DDC: variants seen among roughly 807,000 people sequenced by gnomAD.
The protein encoded by DDC is aromatic-L-amino-acid decarboxylase.
DDC carries 43 observed loss-of-function variants against 60.0 expected under a neutral mutation model. The observed-to-expected ratio is 0.72, with a 90% CI of 0.56 to 0.92. The LOEUF (loss-of-function observed/expected upper bound fraction) is 0.92, where lower values mean the gene tolerates loss of function less well. Among genes scored for constraint, DDC ranks in the 40% least tolerant of loss-of-function variants. The probability of loss-of-function intolerance (pLI) is 0.00; values close to 1 mark genes in which losing one functional copy is unlikely to be tolerated. For missense variants in DDC, 573 were observed against 620.2 expected (o/e 0.92, Z 0.81); for synonymous variants, 232 against 234.6 (o/e 0.99, Z 0.10).
At chr7:50,510,025 A>C (rs960377658) in intron 6 of DDC, among the ~76,000 whole-genome samples, 1 of 151,606 alleles carries the variant, frequency 6.6e-6, no homozygotes, top group African/African-American at 2.4e-5. Context: ...GGCTGGAGTG[A>C]AGTGGTGCCA....
intron 1 of DDC, among the ~76,000 whole-genome samples, chr7:50,561,282 G>A (rs2045340540): frequency 6.6e-6 from 1 of 152,078 alleles, no homozygotes; most frequent in South Asian, 2.1e-4. Context: ...GAGAGGCCAA[G>A]GAAAAAATGG....
At chr7:50,489,291 G>A (rs2042949741) in intron 9 of DDC, among the ~76,000 whole-genome samples, 1 of 152,180 alleles carries the variant, frequency 6.6e-6, no homozygotes, top group Admixed American at 6.5e-5. Flanking sequence ...ACAGGCATGA[G>A]CCACCACACG....
intron 1 of DDC, among the ~76,000 whole-genome samples, chr7:50,557,935 C>T (rs7803440): frequency 0.23 from 35,488 of 152,010 alleles, 4,304 homozygotes; most frequent in East Asian, 0.41. Flanking sequence ...TAACTTTAAA[C>T]CTTAAAACAT....
At chr7:50,501,879 GC>G (rs1277161236) in intron 7 of DDC, among the ~76,000 whole-genome samples, 1 of 152,126 alleles carries the variant, frequency 6.6e-6, no homozygotes, top group African/African-American at 2.4e-5. Context: ...TCTGAGACCA[GC>G]CTGGCCAATA....
chr7:50,485,706 G>A (rs184826088), intron 9 of DDC, among the ~76,000 whole-genome samples: 5 of 152,208 alleles, frequency 3.3e-5, no homozygotes, highest in African/African-American at 1.2e-4. Flanking sequence ...GGTAGATCAC[G>A]TTACTGTAAT....
At chr7:50,546,191 A>C (rs1290001552) in intron 1 of DDC, among the ~76,000 whole-genome samples, 1 of 152,236 alleles carries the variant, frequency 6.6e-6, no homozygotes, top group Non-Finnish European at 1.5e-5. Flanking sequence ...CCCATTGTCC[A>C]TGCTGGGATT....
chr7:50,527,417 A>G lies in DDC; in HGVS notation c.714+720T>C, dbSNP rs796832709. The stretch of plus-strand genomic sequence containing the variant: ...ATATTGACACTATAGGTTCAAAGAA[A>G]TTCACCTTATTTAAATAGAATCTAT... On this transcript the variant is annotated intron_variant, in intron 6 of 14. Transcript: ENST00000444124. Among the ~76,000 whole-genome samples the G allele has an allele frequency of 2.0e-5, 3 of 152,212 alleles. No homozygotes were observed. The South Asian group carries it at 6.2e-4, about 32-fold the overall frequency.
intron 6 of DDC, among the ~76,000 whole-genome samples, chr7:50,512,301 A>G (rs2043601134): frequency 6.6e-6 from 1 of 152,206 alleles, no homozygotes; most frequent in Non-Finnish European, 1.5e-5. Flanking sequence ...AGGGATAAAA[A>G]AGAGCATTAC....
intron 9 of DDC, among the ~76,000 whole-genome samples, chr7:50,485,815 T>G (rs927474204): frequency 2.0e-5 from 3 of 152,116 alleles, no homozygotes; most frequent in Admixed American, 1.3e-4. Flanking sequence ...CTCTCCCCAC[T>G]CCCTGTCTCC....
chr7:50,511,096 T>C (rs1201028579), intron 6 of DDC, among the ~76,000 whole-genome samples: 2 of 141,732 alleles, frequency 1.4e-5, no homozygotes, highest in Non-Finnish European at 3.1e-5. Context: ...AAATAATATA[T>C]AATTTATTTA....
intron 9 of DDC, among the ~76,000 whole-genome samples, chr7:50,493,932 C>T (rs750427520): frequency 1.7e-4 from 26 of 152,116 alleles, no homozygotes; most frequent in Non-Finnish European, 3.1e-4. Context: ...AAAAGTTATT[C>T]ACTTAATTAC....
chr7:50,495,174 G>A lies in DDC; in HGVS notation c.944+176C>T, dbSNP rs532400908. 6.6e-5 allele frequency among the ~76,000 whole-genome samples: 10 copies of A among 152,306 alleles called. No individual in the cohort carries two copies. The East Asian group carries it at 1.9e-3, about 29-fold the overall frequency. ...CAGTATGTTGCAATGATATTCCCTA[G>A]ATAAAAGTTTCCAGTGAGGCTAAGA... On this transcript the variant is annotated intron_variant, in intron 9 of 14. Coordinates refer to ENST00000444124, the MANE Select transcript of DDC (RefSeq NM_001082971.2).
At position 50,543,907 on chromosome 7, in the gene DDC, A is replaced by G. The variant is rs770446305; in HGVS notation, c.179T>C (p.Val60Ala). ...TACCCCAGGCATGATTATCTTCTCA[A>G]CGTCGTTGATGATGTCCTCAAACGT... ...PDTFEDIIND[V>A]EKIIMPGVTH... Residue 60 changes from valine to alanine, a missense_variant, in exon 2 of 15, where the codon GTT becomes GCT. By Grantham distance (64) the Val-to-Ala change is moderately conservative. Coordinates refer to ENST00000444124, the MANE Select transcript of DDC (RefSeq NM_001082971.2). 1.4e-5 allele frequency: 22 copies of G among 1,613,980 alleles called. No homozygotes were observed. The highest frequency in any genetic ancestry group is 2.2e-5 in the East Asian group (1 of 44,888).
Position 50,521,637 on chromosome 7 carries a change from T to G in DDC, c.714+6500A>C, listed in dbSNP as rs115956657. The stretch of plus-strand genomic sequence containing the variant: ...AAATAAATTAATATAATCTATCATT[T>G]CAACAGGCTGAAGGACAAGAATCTC... On this transcript the variant is annotated intron_variant, in intron 6 of 14. Transcript: ENST00000444124. 5.1e-3 allele frequency among the ~76,000 whole-genome samples: 775 copies of G among 152,314 alleles called. 4 individuals are homozygous for G. The highest frequency in any genetic ancestry group is 0.018 in the African/African-American group (737 of 41,582).
intron 14 of DDC, 108 bp downstream of exon 14, chr7:50,463,104 TG>T: frequency 1.2e-6 from 1 of 857,532 alleles, no homozygotes; most frequent in Non-Finnish European, 1.9e-6. Flanking sequence ...AAATGCACTC[TG>T]GCAGCATTGA....
intron 14 of DDC, among the ~76,000 whole-genome samples, chr7:50,459,239 G>A (rs1300373573): frequency 9.9e-5 from 15 of 152,216 alleles, no homozygotes; most frequent in Non-Finnish European, 1.9e-4. Context: ...GATTGCAGAC[G>A]GAGTCTGGTT....
At chr7:50,518,544 T>A (rs1476961487) in intron 6 of DDC, among the ~76,000 whole-genome samples, 1 of 152,166 alleles carries the variant, frequency 6.6e-6, no homozygotes, top group Non-Finnish European at 1.5e-5. Flanking sequence ...AATAGGCACA[T>A]AGACCAATGG....
chr7:50,460,161 A>G (rs1180037015), intron 14 of DDC, among the ~76,000 whole-genome samples: 1 of 139,566 alleles, frequency 7.2e-6, no homozygotes, highest in Non-Finnish European at 1.5e-5. Flanking sequence ...CTGCCTGGCC[A>G]GCCGCCCCGT....
intron 5 of DDC, 125 bp from the exon 6 acceptor site, chr7:50,528,405 GA>G: frequency 8.6e-7 from 1 of 1,164,920 alleles, no homozygotes; most frequent in Non-Finnish European, 1.3e-6. Context: ...ACAGGAGGCA[GA>G]ACTGCTCCTG....
Sources: gnomAD v4.1 joint callset for allele counts (sites outside exome capture counted in the v4.1 genomes callset) on GRCh38, gnomAD v4.1.1 for gene constraint, MANE v1.5 for transcripts, NCBI Gene and HGNC (gene_info 2026-07-23, HGNC 2026-07-21) for gene names.